The following FARP1 variants were observed in gnomAD, a reference collection of about 807,000 sequenced individuals.
The protein encoded by FARP1 is FERM, ARH/RhoGEF and pleckstrin domain protein 1.
FARP1 carries 52 observed loss-of-function variants against 128.8 expected under a neutral mutation model. The observed-to-expected ratio is 0.40, with a 90% confidence interval of 0.32 to 0.51. FARP1 has a LOEUF of 0.51. Among genes scored for constraint, FARP1 ranks in the 20% least tolerant of loss-of-function variants. The pLI is 0.45. For missense variants in FARP1, 1,333 were observed against 1,367.9 expected (o/e 0.97, Z 0.40); for synonymous variants, 580 against 551.8 (o/e 1.05, Z -0.72).
chr13:98,348,776 C>T (rs1482607215), intron 3 of FARP1, among the ~76,000 whole-genome samples: 1 of 152,156 alleles, frequency 6.6e-6, no homozygotes, highest in South Asian at 2.1e-4. Context: ...AATGTAAAAG[C>T]CAATCTCTGC....
intron 1 of FARP1, among the ~76,000 whole-genome samples, chr13:98,165,710 G>GTTTGTTT (rs1877205378): frequency 2.7e-5 from 2 of 74,122 alleles, no homozygotes; most frequent in Non-Finnish European, 4.7e-5. Flanking sequence ...TCCAGAAGGG[G>GTTTGTTT]TTTTTTTTTT....
Position 98,229,973 on chromosome 13 carries a change from A to G in FARP1, c.171+16560A>G, listed in dbSNP as rs73567406. Among the ~76,000 whole-genome samples, 1,484 of 152,310 alleles carry G rather than the reference A, an allele frequency of 9.7e-3. 32 individuals carry two copies. The highest frequency in any genetic ancestry group is 0.033 in the African/African-American group (1,369 of 41,564). On this transcript the variant is annotated intron_variant, in intron 2 of 26. Transcript: ENST00000319562. ...GTGTTGAAGAAATACTCAGAAAGCA[A>G]GTGTTGTTTAAAATCAAGTTGTGAT...
At position 98,244,899 on chromosome 13, in the gene FARP1, C is replaced by T. The variant is rs532466699; in HGVS notation, c.171+31486C>T. 2.7e-5 allele frequency: 38 copies of T among 1,406,950 alleles called. No homozygotes were observed. The South Asian group carries it at 3.7e-4, about 14-fold the overall frequency. 87.2% of individuals were successfully genotyped at this position (1,406,950 alleles called of 1,614,324 possible). On this transcript the variant is annotated intron_variant, in intron 2 of 26. Coordinates refer to ENST00000319562, the MANE Select transcript of FARP1 (RefSeq NM_005766.4). ...ACAGAGGGGCCCATCCACTCCTAAACGGGTCTCCAGGAGGCTTGGTTTGAT... is the reference window on the plus strand; with the variant it reads ...ACAGAGGGGCCCATCCACTCCTAAATGGGTCTCCAGGAGGCTTGGTTTGAT...
intron 13 of FARP1, chr13:98,395,837 C>T (rs1208178097): frequency 1.5e-5 from 6 of 400,886 alleles, no homozygotes; most frequent in Admixed American, 4.4e-5. Context: ...TTCAAGGGCT[C>T]GGCTGGTCAC....
intron 16 of FARP1, among the ~76,000 whole-genome samples, chr13:98,422,459 G>A (rs1891629322): frequency 6.6e-6 from 1 of 152,158 alleles, no homozygotes; most frequent in Non-Finnish European, 1.5e-5. Flanking sequence ...AAGACCACCA[G>A]CACACAGGGC....
chr13:98,313,175 A>G (rs1372481228), intron 2 of FARP1, among the ~76,000 whole-genome samples: 3 of 144,622 alleles, frequency 2.1e-5, no homozygotes, highest in African/African-American at 7.8e-5. Flanking sequence ...ATACACACAT[A>G]CACTCTGGAA....
rs770368728 is a variant in FARP1 at position 98,446,743 on chromosome 13, A to G, written c.2982A>G (p.Lys994=). ...TIPSESENIQ[K]DYVFKLHFKS... is the part of the protein sequence containing the mutation. ...CCTCTGAGTCCGAGAACATCCAGAA[A>G]GACTACGTGTTCAAGCTGCACTTCA... The change falls in exon 26 of 27, where the codon AAA becomes AAG. Residue 994 remains lysine, a synonymous_variant. Transcript: ENST00000319562. 10 of 1,614,168 alleles carry G rather than the reference A, an allele frequency of 6.2e-6. No homozygotes were observed. The highest frequency in any genetic ancestry group is 7.6e-6 in the Non-Finnish European group (9 of 1,180,018).
At chr13:98,161,697 G>A (rs576179475) in intron 1 of FARP1, among the ~76,000 whole-genome samples, 2 of 152,038 alleles carry the variant, frequency 1.3e-5, no homozygotes, top group East Asian at 3.9e-4. Context: ...AAGGCTTTGG[G>A]GACTATGAAG....
intron 2 of FARP1, among the ~76,000 whole-genome samples, chr13:98,214,889 C>T (rs1168123920): frequency 6.6e-6 from 1 of 152,184 alleles, no homozygotes; most frequent in Non-Finnish European, 1.5e-5. Flanking sequence ...CGCCACCTCA[C>T]CCACTTTTTT....
intron 9 of FARP1, 72 bp from the exon 10 acceptor site, chr13:98,389,884 GC>G: frequency 7.0e-7 from 1 of 1,430,032 alleles, no homozygotes; most frequent in Non-Finnish European, 9.7e-7. Context: ...GCTATCTTCT[GC>G]CCCTTTTCTC....
chr13:98,250,982 C>G (rs184819583), intron 2 of FARP1, among the ~76,000 whole-genome samples: 8 of 152,324 alleles, frequency 5.3e-5, no homozygotes, highest in Admixed American at 2.0e-4. Flanking sequence ...GGTCTTTGAT[C>G]TGTCCTAGGC....
chr13:98,305,180 C>G (rs1236079459), intron 2 of FARP1, among the ~76,000 whole-genome samples: 2 of 150,436 alleles, frequency 1.3e-5, no homozygotes, highest in East Asian at 3.9e-4. Flanking sequence ...TGGGGAAAAT[C>G]CTTTCCTCAT....
intron 2 of FARP1, among the ~76,000 whole-genome samples, chr13:98,277,334 T>C (rs138910775): frequency 6.6e-6 from 1 of 152,260 alleles, no homozygotes; most frequent in Non-Finnish European, 1.5e-5. Flanking sequence ...TATTTTTATT[T>C]ATTTATATAT....
chr13:98,215,098 GTTC>G (rs1044229838), intron 2 of FARP1, among the ~76,000 whole-genome samples: 37 of 152,174 alleles, frequency 2.4e-4, no homozygotes, highest in African/African-American at 8.2e-4. Context: ...CTCACCTGCA[GTTC>G]TTCTTGAAAC....
intron 4 of FARP1, among the ~76,000 whole-genome samples, chr13:98,367,735 A>C (rs1889157174): frequency 6.6e-6 from 1 of 152,234 alleles, no homozygotes; most frequent in South Asian, 2.1e-4. Context: ...TACCTTATAA[A>C]TAGTTAAATA....
At chr13:98,296,040 A>C (rs1422872550) in intron 2 of FARP1, among the ~76,000 whole-genome samples, 1 of 152,218 alleles carries the variant, frequency 6.6e-6, no homozygotes, top group Non-Finnish European at 1.5e-5. Context: ...GCTTTTTAAA[A>C]GAATACTGAT....
At chr13:98,309,041 A>G (rs187684713) in intron 2 of FARP1, among the ~76,000 whole-genome samples, 27 of 151,732 alleles carry the variant, frequency 1.8e-4, no homozygotes, top group Non-Finnish European at 1.8e-4. Flanking sequence ...ATCTTTATAA[A>G]TTCACATGAT....
chr13:98,309,390 C>T (rs1360324410), intron 2 of FARP1, among the ~76,000 whole-genome samples: 6 of 150,556 alleles, frequency 4.0e-5, no homozygotes, highest in African/African-American at 1.2e-4. Context: ...AGGATGGTCT[C>T]GATCTCCTGA....
chr13:98,252,418 G>T (rs1264300805), intron 2 of FARP1, among the ~76,000 whole-genome samples: 1 of 152,124 alleles, frequency 6.6e-6, no homozygotes, highest in Non-Finnish European at 1.5e-5. Flanking sequence ...TTCATTACCT[G>T]CATATTTTCA....
Sources: gnomAD v4.1 joint callset for allele counts (sites outside exome capture counted in the v4.1 genomes callset) on GRCh38, gnomAD v4.1.1 for gene constraint, MANE v1.5 for transcripts, NCBI Gene and HGNC (gene_info 2026-07-23, HGNC 2026-07-21) for gene names.